EP300: variants seen among roughly 807,000 people sequenced by gnomAD.
EP300 encodes the protein histone acetyltransferase p300.
Under a neutral mutation model 264.0 loss-of-function variants are expected in EP300, and 31 were observed. The observed-to-expected ratio is 0.12, with a 90% CI of 0.09 to 0.16. The LOEUF (loss-of-function observed/expected upper bound fraction) is 0.16, where lower values mean the gene tolerates loss of function less well. Among genes scored for constraint, EP300 ranks in the 10% least tolerant of loss-of-function variants. The pLI is 1.00. For missense variants in EP300, 2,766 were observed against 3,052.9 expected (o/e 0.91, Z 2.21); for synonymous variants, 1,340 against 1,045.4 (o/e 1.28, Z -5.44).
intron 7 of EP300, among the ~76,000 whole-genome samples, chr22:41,137,356 C>CA (rs35403189): frequency 0.53 from 48,983 of 92,832 alleles, 13,594 homozygotes; most frequent in Admixed American, 0.59. Flanking sequence ...GACTTTGTCT[C>CA]AAAAAAAAAA....
chr22:41,131,443 T>G lies in EP300; in HGVS notation c.1338T>G (p.Gly446=). The G allele has an allele frequency of 6.2e-7, 1 of 1,614,036 alleles. No homozygotes were observed. Among genetic ancestry groups the G allele is most frequent in the Non-Finnish European group, 8.5e-7 (1 of 1,179,998 alleles). Reference sequence around the variant, plus strand: ...GAAATCCTAGCTCTCTAGGGGTGGGTCAACAGTCTGCCCCCAACCTAAGCA... The same window carrying G: ...GAAATCCTAGCTCTCTAGGGGTGGGGCAACAGTCTGCCCCCAACCTAAGCA... The part of the protein sequence containing the change: ...GLGNPSSLGV[G]QQSAPNLSTV... The change falls in exon 6 of 31, where the codon GGT becomes GGG. Residue 446 remains glycine, a synonymous_variant. Coordinates refer to ENST00000263253, the MANE Select transcript of EP300 (RefSeq NM_001429.4).
At position 41,105,272 on chromosome 22, in the gene EP300, G is replaced by A. The variant is rs192833893; in HGVS notation, c.95-11915G>A. ...AGTCCCAGCTACTCGGGAGGCTGAG[G>A]CAAGGGAATCTCTTGAACCCGGGAG... On this transcript the variant is annotated intron_variant, in intron 1 of 30. Coordinates refer to ENST00000263253, the MANE Select transcript of EP300 (RefSeq NM_001429.4). 2.3e-3 allele frequency among the ~76,000 whole-genome samples: 339 copies of A among 150,446 alleles called. 1 individual carries two copies. The highest frequency in any genetic ancestry group is 4.0e-3 in the Non-Finnish European group (273 of 67,690).
chr22:41,146,863 A>G (rs750542360), intron 11 of EP300, 47 bp downstream of exon 11: 5 of 1,512,180 alleles, frequency 3.3e-6, no homozygotes, highest in Non-Finnish European at 4.5e-6. Context: ...TCCCCGGTGT[A>G]CTGCAAGATA....
intron 22 of EP300, among the ~76,000 whole-genome samples, chr22:41,166,337 T>C (rs1349461495): frequency 2.6e-5 from 4 of 152,250 alleles, no homozygotes; most frequent in Non-Finnish European, 5.9e-5. Context: ...AAAACCTATC[T>C]TGATTTGTAA....
intron 2 of EP300, among the ~76,000 whole-genome samples, chr22:41,118,580 G>A: frequency 6.6e-6 from 1 of 152,202 alleles, no homozygotes; most frequent in East Asian, 1.9e-4. Context: ...GATGAAATTG[G>A]AGATAGGTAC....
intron 2 of EP300, among the ~76,000 whole-genome samples, 187 bp downstream of exon 2, chr22:41,118,008 A>G (rs1278195629): frequency 1.3e-5 from 2 of 152,224 alleles, no homozygotes; most frequent in South Asian, 2.1e-4. Flanking sequence ...GGTATTCTAT[A>G]ACTTCATACT....
intron 14 of EP300, 139 bp from the exon 15 acceptor site, chr22:41,151,694 C>A: frequency 1.2e-6 from 1 of 849,718 alleles, no homozygotes; most frequent in Non-Finnish European, 1.9e-6. Flanking sequence ...ATGGGCAGAG[C>A]AAATGAAAGC....
chr22:41,168,663 T>C, intron 24 of EP300, 58 bp from the exon 25 acceptor site: 1 of 1,614,234 alleles, frequency 6.2e-7, no homozygotes, highest in Non-Finnish European at 8.5e-7. Flanking sequence ...TGGTTACTAT[T>C]GGTGATTCCA....
chr22:41,098,931 A>G (rs1454692913), intron 1 of EP300, among the ~76,000 whole-genome samples: 1 of 152,200 alleles, frequency 6.6e-6, no homozygotes, highest in Non-Finnish European at 1.5e-5. Flanking sequence ...GTGGTTAGGA[A>G]TAAATGAGAA....
intron 3 of EP300, 84 bp downstream of exon 3, chr22:41,126,124 T>A (rs895892980): frequency 4.9e-6 from 7 of 1,436,578 alleles, no homozygotes; most frequent in Non-Finnish European, 6.8e-6. Context: ...TTCTGTTATA[T>A]ATGCTGGGAT....
At chr22:41,151,614 T>A (rs1280839758) in intron 14 of EP300, among the ~76,000 whole-genome samples, 3 of 152,238 alleles carry the variant, frequency 2.0e-5, no homozygotes, top group African/African-American at 7.2e-5. Flanking sequence ...GGTTCTTTGA[T>A]GTACAATCAG....
At position 41,137,701 on chromosome 22, in the gene EP300, A is replaced by G; in HGVS notation, c.1671A>G (p.Pro557=). ...NASVPSLGPM[P]TAAQPSTTGI... The stretch of plus-strand genomic sequence containing the variant: ...GTGTGCCCTCCCTGGGTCCTATGCC[A>G]ACAGCAGCTCAACCATCCACTACTG... The change falls in exon 8 of 31, where the codon CCA becomes CCG. Residue 557 remains proline (P), a synonymous_variant. Transcript: ENST00000263253. 1 of 1,614,180 alleles carries G rather than the reference A, an allele frequency of 6.2e-7. No individual in the cohort carries two copies.
intron 10 of EP300, among the ~76,000 whole-genome samples, chr22:41,145,978 G>A (rs747403664): frequency 4.6e-5 from 7 of 151,896 alleles, no homozygotes; most frequent in African/African-American, 7.3e-5. Context: ...ATGTAGTGTG[G>A]TATAATATGC....
chr22:41,148,452 C>T (rs1266802267), intron 12 of EP300, among the ~76,000 whole-genome samples: 3 of 152,148 alleles, frequency 2.0e-5, no homozygotes, highest in Non-Finnish European at 4.4e-5. Context: ...GAGTTCTGTC[C>T]TTCATTTTAA....
intron 1 of EP300, among the ~76,000 whole-genome samples, chr22:41,095,984 A>C (rs1427788614): frequency 2.0e-5 from 3 of 152,210 alleles, no homozygotes; most frequent in Non-Finnish European, 1.5e-5. Context: ...CAAATAACTT[A>C]GGTTAAACTC....
rs191529119 is a variant in EP300 at position 41,129,769 on chromosome 22, C to A, written c.1169-121C>A. On this transcript the variant is annotated intron_variant, in intron 4 of 30. Coordinates refer to ENST00000263253, the MANE Select transcript of EP300 (RefSeq NM_001429.4). ...TATTAATAGGAGCTACCTTATAGGG[C>A]TGTTAGGAAGATGAAATAAGTTAAT... is the stretch of plus-strand genomic sequence containing the variant. 5.4e-6 allele frequency: 4 copies of A among 746,022 alleles called. No individual in the cohort carries two copies. The Admixed American group carries it at 8.2e-5, about 15-fold the overall frequency. 46.2% of individuals were successfully genotyped at this position (746,022 alleles called of 1,614,324 possible).
intron 12 of EP300, 36 bp from the exon 13 acceptor site, chr22:41,149,002 A>G (rs1451475991): frequency 6.2e-7 from 1 of 1,612,224 alleles, no homozygotes; most frequent in African/African-American, 1.3e-5. Flanking sequence ...ACTATAATGA[A>G]GCAGTTTGGT....
chr22:41,158,785 C>T (rs2059091795), intron 19 of EP300: 5 of 416,684 alleles, frequency 1.2e-5, no homozygotes, highest in South Asian at 1.2e-4. Context: ...CCCCACTTCT[C>T]TTTCTACTGT....
Position 41,140,201 on chromosome 22 carries a change from C to G in EP300, c.1822C>G (p.Leu608Val). 1 of 1,614,074 alleles carries G rather than the reference C, an allele frequency of 6.2e-7. No homozygotes were observed. Among genetic ancestry groups the G allele is most frequent in the Non-Finnish European group, 8.5e-7 (1 of 1,179,988 alleles). ...TTTAAAAGACAGACGGATGGAAAAC[C>G]TAGTTGCATATGCTCGGAAAGTTGA... ...AALKDRRMEN[L>V]VAYARKVEGD... is the part of the protein sequence containing the mutation. The change falls in exon 9 of 31, where the codon CTA (leucine) becomes GTA (valine). Residue 608 changes from leucine to valine, a missense_variant. Coordinates refer to ENST00000263253, the MANE Select transcript of EP300 (RefSeq NM_001429.4).
Sources: allele counts gnomAD v4.1 joint callset (sites outside exome capture counted in the v4.1 genomes callset), GRCh38; gene constraint gnomAD v4.1.1; transcripts MANE v1.5; gene names NCBI Gene and HGNC (gene_info 2026-07-23, HGNC 2026-07-21).